Variants in PCDHGA7 observed in about 807,000 individuals in gnomAD.
The protein encoded by PCDHGA7 is protocadherin gamma-A7.
In PCDHGA7, 44 loss-of-function variants were observed where a neutral mutation model predicts 58.3. The observed-to-expected ratio is 0.75, with a 90% CI of 0.59 to 0.97. The LOEUF is 0.97. PCDHGA7 is among the 50% of genes least tolerant of loss of function. The pLI is 0.00. For missense variants in PCDHGA7, 1,266 were observed against 1,188.7 expected (o/e 1.06, Z -0.96); for synonymous variants, 516 against 504.2 (o/e 1.02, Z -0.31).
intron 1 of PCDHGA7, among the ~76,000 whole-genome samples, chr5:141,465,090 A>G (rs566511602): frequency 6.7e-6 from 1 of 149,576 alleles, no homozygotes; most frequent in Admixed American, 6.7e-5. Flanking sequence ...TCATTTTTCT[A>G]GTAGTTTTTT....
In PCDHGA7 at chr5:141,491,424, G is replaced by A. The variant is rs745755214; in HGVS notation, c.2425-3383G>A. The A allele has an allele frequency of 6.2e-7, 1 of 1,614,092 alleles. No individual in the cohort carries two copies. Among genetic ancestry groups the A allele is most frequent in the Non-Finnish European group, 8.5e-7 (1 of 1,180,028 alleles). ...ACGCAGACGGGGACGGGGGTGGAGG[G>A]CAGTGCTGCAGGCGCCAGGACTCAC... On this transcript the variant is annotated intron_variant, in intron 1 of 3. Coordinates refer to ENST00000518325, the MANE Select transcript of PCDHGA7 (RefSeq NM_018920.4). The surrounding 1 kb of genome is among the most constrained non-coding windows in gnomAD (Gnocchi z 6.9).
chr5:141,385,223 A>G lies in PCDHGA7; in HGVS notation c.2324A>G (p.Tyr775Cys). The G allele has an allele frequency of 1.2e-6, 2 of 1,614,184 alleles. No homozygotes were observed. The highest frequency in any genetic ancestry group is 1.7e-6 in the Non-Finnish European group (2 of 1,180,018). ...CACCTGATCTTCCCCCAGCCCAACT[A>G]TGTAGACATGCTCATCAGCCAGGAG... ...KSHLIFPQPN[Y>C]VDMLISQESC... The change falls in exon 1 of 4, where the codon TAT becomes TGT. Residue 775 changes from tyrosine (Y) to cysteine (C), a missense_variant. By Grantham distance (194) the Tyr-to-Cys change is radical (BLOSUM62 -2). Coordinates refer to ENST00000518325, the MANE Select transcript of PCDHGA7 (RefSeq NM_018920.4).
intron 2 of PCDHGA7, among the ~76,000 whole-genome samples, chr5:141,500,187 TA>T (rs56304898): frequency 0.051 from 5,679 of 110,700 alleles, 126 homozygotes; most frequent in Middle Eastern, 0.14. Flanking sequence ...TTTTTATTTT[TA>T]TTTATTTATT....
chr5:141,442,725 G>A (rs1381140725), intron 1 of PCDHGA7, among the ~76,000 whole-genome samples: 1 of 152,198 alleles, frequency 6.6e-6, no homozygotes, highest in Admixed American at 6.5e-5. Flanking sequence ...AGCATTTGGG[G>A]CCTGTAGGTA....
intron 1 of PCDHGA7, chr5:141,399,316 T>C (rs1281033457): frequency 6.2e-7 from 1 of 1,613,772 alleles, no homozygotes; most frequent in Non-Finnish European, 8.5e-7. Flanking sequence ...ATCCAAAAAT[T>C]CGTATAAGTT....
Position 141,490,869 on chromosome 5 carries a change from A to AT in PCDHGA7, c.2425-3936dup. 1.2e-6 allele frequency: 2 copies of AT among 1,613,902 alleles called. No individual in the cohort carries two copies. Among genetic ancestry groups the AT allele is most frequent in the Non-Finnish European group, 8.5e-7 (1 of 1,179,954 alleles). ...GGGTTCGAGACTCCGGCTCTCCCCC[A>AT]TTGCATGCCAACACATCTCTGCATG... On this transcript the variant is annotated intron_variant, in intron 1 of 3. Coordinates refer to ENST00000518325, the MANE Select transcript of PCDHGA7 (RefSeq NM_018920.4). This position sits in a 1 kb window ranked among gnomAD's most constrained non-coding sequence, Gnocchi z 5.4.
intron 1 of PCDHGA7, among the ~76,000 whole-genome samples, chr5:141,443,787 A>C (rs957552086): frequency 3.3e-5 from 5 of 152,222 alleles, no homozygotes; most frequent in African/African-American, 1.2e-4. Flanking sequence ...AAGACAAAAA[A>C]AATGAAAAGG....
intron 1 of PCDHGA7, chr5:141,430,537 A>T (rs1270804825): frequency 7.8e-6 from 3 of 385,890 alleles, no homozygotes; most frequent in African/African-American, 2.1e-5. Flanking sequence ...TAGGACTCTG[A>T]GCGCCGCTGT....
intron 1 of PCDHGA7, chr5:141,398,274 C>G (rs1323516270): frequency 7.1e-7 from 1 of 1,416,776 alleles, no homozygotes; most frequent in African/African-American, 1.5e-5. Context: ...TAGTGGGGAA[C>G]CTCGCCACGG....
At chr5:141,451,107 C>T (rs768308463) in intron 1 of PCDHGA7, among the ~76,000 whole-genome samples, 3 of 152,118 alleles carry the variant, frequency 2.0e-5, no homozygotes, top group Non-Finnish European at 4.4e-5. Flanking sequence ...GGATTACAGG[C>T]GTGAGCCACC....
chr5:141,475,547 G>A (rs2099364977), intron 1 of PCDHGA7, among the ~76,000 whole-genome samples: 1 of 152,176 alleles, frequency 6.6e-6, no homozygotes, highest in Non-Finnish European at 1.5e-5. Context: ...AGTAGGGTCC[G>A]GCTAATTGTC....
chr5:141,445,311 G>A (rs2098463310), intron 1 of PCDHGA7, among the ~76,000 whole-genome samples: 1 of 152,150 alleles, frequency 6.6e-6, no homozygotes, highest in East Asian at 1.9e-4. Flanking sequence ...CAGTTTGTAG[G>A]TTGAGAGAAC....
intron 1 of PCDHGA7, chr5:141,412,954 C>A (rs2095592297): frequency 2.1e-6 from 1 of 482,442 alleles, no homozygotes; most frequent in Non-Finnish European, 3.6e-6. Flanking sequence ...CGCCGCTGTT[C>A]ACCTACTAGG....
In PCDHGA7 at chr5:141,476,178, T is replaced by G; in HGVS notation, c.2425-18629T>G. Reference sequence around the variant, plus strand: ...ACCGGGAGGGTAGTGGGAGTTTTGCTTCTGCTTGGTGCCTTGAACAAGGCT... The same window carrying G: ...ACCGGGAGGGTAGTGGGAGTTTTGCGTCTGCTTGGTGCCTTGAACAAGGCT... On this transcript the variant is annotated intron_variant, in intron 1 of 3. Transcript: ENST00000518325. This position sits in a 1 kb window ranked among gnomAD's most constrained non-coding sequence, Gnocchi z 7.6. The G allele has an allele frequency of 3.1e-6, 5 of 1,613,632 alleles. No homozygotes were observed. Among genetic ancestry groups the G allele is most frequent in the Non-Finnish European group, 4.2e-6 (5 of 1,180,000 alleles).
chr5:141,430,796 C>A, intron 1 of PCDHGA7: 1 of 1,522,232 alleles, frequency 6.6e-7, no homozygotes, highest in Middle Eastern at 1.8e-4. Context: ...CTACAAAGGG[C>A]TTGTCCTGCT....
intron 1 of PCDHGA7, chr5:141,409,628 G>A (rs367728235): frequency 1.2e-6 from 2 of 1,613,730 alleles, no homozygotes; most frequent in Non-Finnish European, 1.7e-6. Context: ...GCAAGTGAGC[G>A]CCTCTGACCC....
At chr5:141,440,593 T>C (rs1456640262) in intron 1 of PCDHGA7, 1 of 152,202 alleles carries the variant, frequency 6.6e-6, no homozygotes, top group African/African-American at 2.4e-5. Context: ...TGGAACAAGA[T>C]TTGCAACAGA....
At chr5:141,399,378 C>T (rs368139061) in intron 1 of PCDHGA7, 1,186 of 1,613,874 alleles carry the variant, frequency 7.3e-4, no homozygotes, top group Non-Finnish European at 9.6e-4. Flanking sequence ...ACAATGTCAC[C>T]ATCACAGCCA....
chr5:141,435,934 T>A (rs1311888999), intron 1 of PCDHGA7, among the ~76,000 whole-genome samples: 2 of 152,160 alleles, frequency 1.3e-5, no homozygotes, highest in Non-Finnish European at 2.9e-5. Flanking sequence ...CAGTTGCTGC[T>A]TCTGAGACCA....
Sources: allele counts gnomAD v4.1 joint callset (sites outside exome capture counted in the v4.1 genomes callset), GRCh38; gene constraint gnomAD v4.1.1; non-coding constraint Gnocchi (gnomAD v3.1); transcripts MANE v1.5; gene names NCBI Gene and HGNC (gene_info 2026-07-23, HGNC 2026-07-21).